Variants in OR2A2 observed in about 807,000 individuals in gnomAD.
The protein encoded by OR2A2 is olfactory receptor family 2 subfamily A member 2.
For missense variants in OR2A2, 380 were observed against 384.8 expected (o/e 0.99, Z 0.10); for synonymous variants, 163 against 154.8 (o/e 1.05, Z -0.40).
rs1409846354 is a variant in OR2A2, at chr7:144,110,189, G to A, written c.607G>A (p.Val203Met). Residue 203 changes from valine to methionine, a missense_variant, in exon 1 of 1, where the codon GTG (valine) becomes ATG (methionine). By Grantham distance (21) the Val-to-Met change is conservative. Coordinates refer to ENST00000408979, the MANE Select transcript of OR2A2 (RefSeq NM_001005480.2). ...CCAAGTGGTCATATTTGCTACCTGT[G>A]TGTTTGTCTTAGTCGGGCCTCTTTC... ...VNQVVIFATC[V>M]FVLVGPLSLI... is the part of the protein sequence containing the mutation. 1 of 1,613,994 alleles carries A rather than the reference G, an allele frequency of 6.2e-7. No individual in the cohort carries two copies. The highest frequency in any genetic ancestry group is 1.7e-5 in the Admixed American group (1 of 60,018).
Position 144,109,819 on chromosome 7 carries a change from G to A in OR2A2, c.237G>A (p.Lys79=), listed in dbSNP as rs948539474. Residue 79 remains lysine (K), a synonymous_variant, in exon 1 of 1, where the codon AAG becomes AAA. Coordinates refer to ENST00000408979, the MANE Select transcript of OR2A2 (RefSeq NM_001005480.2). ...DMSYASNNVP[K]MLANLMNQKR... is the part of the protein sequence containing the mutation. ...CCTATGCTTCCAACAATGTTCCCAAGATGTTGGCAAACCTAATGAACCAGA... is the reference window on the plus strand; with the variant it reads ...CCTATGCTTCCAACAATGTTCCCAAAATGTTGGCAAACCTAATGAACCAGA... The A allele has an allele frequency of 6.2e-7, 1 of 1,614,086 alleles. No homozygotes were observed. Among genetic ancestry groups the A allele is most frequent in the African/African-American group, 1.3e-5 (1 of 75,058 alleles).
chr7:144,110,208 C>T lies in OR2A2; in HGVS notation c.626C>T (p.Pro209Leu), dbSNP rs767801540. The change falls in exon 1 of 1, where the codon CCT becomes CTT. Residue 209 changes from proline to leucine, a missense_variant. Coordinates refer to ENST00000408979, the MANE Select transcript of OR2A2 (RefSeq NM_001005480.2). The stretch of plus-strand genomic sequence containing the variant: ...ACCTGTGTGTTTGTCTTAGTCGGGC[C>T]TCTTTCCTTGATTCTGGTCTCCTAC... The part of the protein sequence containing the change: ...FATCVFVLVG[P>L]LSLILVSYMH... 1 of 1,614,060 alleles carries T rather than the reference C, an allele frequency of 6.2e-7. No individual in the cohort carries two copies. Among genetic ancestry groups the T allele is most frequent in the Non-Finnish European group, 8.5e-7 (1 of 1,179,958 alleles).
At position 144,109,661 on chromosome 7, in the gene OR2A2, T is replaced by C. The variant is rs765463207; in HGVS notation, c.79T>C (p.Cys27Arg). ...QVGPALAILL[C>R]GLFSVFYTLT... ...TGGTCCAGCACTGGCGATTCTCCTC[T>C]GTGGACTCTTCTCTGTCTTCTATAC... The change falls in exon 1 of 1, where the codon TGT becomes CGT. Residue 27 changes from cysteine to arginine, a missense_variant. Transcript: ENST00000408979. 7.4e-6 allele frequency: 12 copies of C among 1,614,008 alleles called. No homozygotes were observed. In the South Asian group the frequency reaches 1.3e-4, roughly 18 times the overall value.
rs1387665212 is a variant in OR2A2 at position 144,109,872 on chromosome 7, TA to T, written c.292del (p.Met98CysfsTer15). The T allele has an allele frequency of 6.2e-7, 1 of 1,614,146 alleles. No homozygotes were observed. Among genetic ancestry groups the T allele is most frequent in the African/African-American group, 1.3e-5 (1 of 75,054 alleles). On this transcript the variant is annotated frameshift_variant, in exon 1 of 1. Coordinates refer to ENST00000408979, the MANE Select transcript of OR2A2 (RefSeq NM_001005480.2). LOFTEE classifies it low-confidence loss of function (END_TRUNC). ...AGAACCATCTCCTTTGTTCCATGCA[TA>T]ATGCAGACTTTTTTGTATTTGGCTT... Reference protein sequence around the residue: ...QKRTISFVPCIMQTFLYLAFA... With the variant: ...QKRTISFVPCXMQTFLYLAFA...
rs201786887 is a variant in OR2A2 at position 144,109,651 on chromosome 7, G to A, written c.69G>A (p.Ala23=). 1.3e-4 allele frequency: 203 copies of A among 1,613,764 alleles called. No individual in the cohort carries two copies. In the East Asian group the frequency reaches 2.0e-3, roughly 16 times the overall value. The part of the protein sequence containing the change: ...LLGFQVGPAL[A]ILLCGLFSVF... The stretch of plus-strand genomic sequence containing the variant: ...GATTCCAGGTTGGTCCAGCACTGGC[G>A]ATTCTCCTCTGTGGACTCTTCTCTG... The change falls in exon 1 of 1, where the codon GCG becomes GCA. Residue 23 remains alanine (A), a synonymous_variant. Coordinates refer to ENST00000408979, the MANE Select transcript of OR2A2 (RefSeq NM_001005480.2).
rs771403678 is a variant in OR2A2 at position 144,109,982 on chromosome 7, A to G, written c.400A>G (p.Ile134Val). 31 of 1,613,900 alleles carry G rather than the reference A, an allele frequency of 1.9e-5. No homozygotes were observed. Among genetic ancestry groups the G allele is most frequent in the African/African-American group, 2.7e-5 (2 of 74,930 alleles). ...CTGCCACCCTTTCCAGTACACTGTC[A>G]TCATGAGCTGGAGAGTGTGCACGAT... is the stretch of plus-strand genomic sequence containing the variant. ...AICHPFQYTV[I>V]MSWRVCTILV... The change falls in exon 1 of 1, where the codon ATC (isoleucine) becomes GTC (valine). Residue 134 changes from isoleucine to valine, a missense_variant. Ile to Val is a conservative substitution (Grantham distance 29, BLOSUM62 3). Coordinates refer to ENST00000408979, the MANE Select transcript of OR2A2 (RefSeq NM_001005480.2).
chr7:144,110,218 G>A lies in OR2A2; in HGVS notation c.636G>A (p.Leu212=), dbSNP rs756331364. The change falls in exon 1 of 1, where the codon TTG becomes TTA. Residue 212 remains leucine, a synonymous_variant. Transcript: ENST00000408979. ...CVFVLVGPLS[L]ILVSYMHILG... ...TTGTCTTAGTCGGGCCTCTTTCCTT[G>A]ATTCTGGTCTCCTACATGCACATCC... is the stretch of plus-strand genomic sequence containing the variant. 1.2e-6 allele frequency: 2 copies of A among 1,613,942 alleles called. No homozygotes were observed. Among genetic ancestry groups the A allele is most frequent in the African/African-American group, 1.3e-5 (1 of 74,900 alleles).
In OR2A2 at chr7:144,109,962, A is replaced by G. The variant is rs2051355518; in HGVS notation, c.380A>G (p.His127Arg). The change falls in exon 1 of 1, where the codon CAC (histidine) becomes CGC (arginine). Residue 127 changes from histidine to arginine, a missense_variant. His to Arg is a conservative substitution (Grantham distance 29). Coordinates refer to ENST00000408979, the MANE Select transcript of OR2A2 (RefSeq NM_001005480.2). Reference sequence around the variant, plus strand: ...TATGATAGGTATGTGGCCATCTGCCACCCTTTCCAGTACACTGTCATCATG... The same window carrying G: ...TATGATAGGTATGTGGCCATCTGCCGCCCTTTCCAGTACACTGTCATCATG... Reference protein sequence around the residue: ...MSYDRYVAICHPFQYTVIMSW... With the variant: ...MSYDRYVAICRPFQYTVIMSW... The G allele has an allele frequency of 2.5e-6, 4 of 1,613,890 alleles. No homozygotes were observed. In the South Asian group the frequency reaches 4.4e-5, roughly 18 times the overall value.
chr7:144,109,939 T>C lies in OR2A2; in HGVS notation c.357T>C (p.Tyr119=). The change falls in exon 1 of 1, where the codon TAT becomes TAC. Residue 119 remains tyrosine, a synonymous_variant. Transcript: ENST00000408979. ...GCCTGATTTTGGTGGTGATGTCCTATGATAGGTATGTGGCCATCTGCCACC... is the reference window on the plus strand; with the variant it reads ...GCCTGATTTTGGTGGTGATGTCCTACGATAGGTATGTGGCCATCTGCCACC... ...TECLILVVMS[Y]DRYVAICHPF... 1.9e-6 allele frequency: 3 copies of C among 1,613,920 alleles called. No homozygotes were observed. Among genetic ancestry groups the C allele is most frequent in the Non-Finnish European group, 2.5e-6 (3 of 1,179,798 alleles).
rs1460519551 is a variant in OR2A2 at position 144,110,084 on chromosome 7, T to C, written c.502T>C (p.Cys168Arg). 2 of 1,614,032 alleles carry C rather than the reference T, an allele frequency of 1.2e-6. No individual in the cohort carries two copies. The highest frequency in any genetic ancestry group is 2.2e-5 in the South Asian group (2 of 91,084). The change falls in exon 1 of 1, where the codon TGT (cysteine) becomes CGT (arginine). Residue 168 changes from cysteine to arginine, a missense_variant. Physicochemically the swap from Cys to Arg is radical, Grantham distance 180. Coordinates refer to ENST00000408979, the MANE Select transcript of OR2A2 (RefSeq NM_001005480.2). ...AATTCTCCTTCTAAGGTTGCCCTTC[T>C]GTGGGCCCCGGGATGTGAACCACCT... ...HEILLLRLPF[C>R]GPRDVNHLFC...
Position 144,110,006 on chromosome 7 carries a change from A to T in OR2A2, c.424A>T (p.Ile142Phe). 6.2e-7 allele frequency: 1 copy of T among 1,613,926 alleles called. No individual in the cohort carries two copies. The highest frequency in any genetic ancestry group is 1.3e-5 in the African/African-American group (1 of 74,988). ...CATCATGAGCTGGAGAGTGTGCACG[A>T]TCCTGGTTCTCACGTCCTGGTCATG... ...TVIMSWRVCT[I>F]LVLTSWSCGF... The change falls in exon 1 of 1, where the codon ATC becomes TTC. Residue 142 changes from isoleucine (I) to phenylalanine (F), a missense_variant. Physicochemically the swap from Ile to Phe is conservative, Grantham distance 21 (BLOSUM62 0). Transcript: ENST00000408979.
chr7:144,110,359 G>A lies in OR2A2; in HGVS notation c.777G>A (p.Met259Ile), dbSNP rs1182900404. 5 of 1,613,932 alleles carry A rather than the reference G, an allele frequency of 3.1e-6. No homozygotes were observed. The highest frequency in any genetic ancestry group is 2.2e-5 in the East Asian group (1 of 44,886). ...LFFGIAMVVY[M>I]VPDSNQREEQ... ...TTGGCATAGCCATGGTGGTTTACAT[G>A]GTCCCAGACTCTAATCAACGAGAGG... The change falls in exon 1 of 1, where the codon ATG (methionine) becomes ATA (isoleucine). Residue 259 changes from methionine to isoleucine, a missense_variant. Transcript: ENST00000408979.
At position 144,109,995 on chromosome 7, in the gene OR2A2, G is replaced by C. The variant is rs546846509; in HGVS notation, c.413G>C (p.Arg138Thr). Residue 138 changes from arginine (R) to threonine (T), a missense_variant, in exon 1 of 1, where the codon AGA becomes ACA. Coordinates refer to ENST00000408979, the MANE Select transcript of OR2A2 (RefSeq NM_001005480.2). Reference sequence around the variant, plus strand: ...CAGTACACTGTCATCATGAGCTGGAGAGTGTGCACGATCCTGGTTCTCACG... The same window carrying C: ...CAGTACACTGTCATCATGAGCTGGACAGTGTGCACGATCCTGGTTCTCACG... The part of the protein sequence containing the change: ...PFQYTVIMSW[R>T]VCTILVLTSW... The C allele has an allele frequency of 5.0e-6, 8 of 1,613,994 alleles. No individual in the cohort carries two copies. Among genetic ancestry groups the C allele is most frequent in the Non-Finnish European group, 6.8e-6 (8 of 1,179,920 alleles).
In OR2A2 at chr7:144,110,420, T is replaced by C. The variant is rs935520004; in HGVS notation, c.838T>C (p.Phe280Leu). The change falls in exon 1 of 1, where the codon TTT (phenylalanine) becomes CTT (leucine). Residue 280 changes from phenylalanine (F) to leucine (L), a missense_variant. Transcript: ENST00000408979. ...AATGCTGTCCCTGTTTCACAGTGTCTTTAATCCAATGCTGAACCCCCTGAT... is the reference window on the plus strand; with the variant it reads ...AATGCTGTCCCTGTTTCACAGTGTCCTTAATCCAATGCTGAACCCCCTGAT... ...EKMLSLFHSV[F>L]NPMLNPLIYS... 1 of 1,614,016 alleles carries C rather than the reference T, an allele frequency of 6.2e-7. No individual in the cohort carries two copies. Among genetic ancestry groups the C allele is most frequent in the African/African-American group, 1.3e-5 (1 of 75,046 alleles).
rs61735905 is a variant in OR2A2, at chr7:144,110,019, C to G, written c.437C>G (p.Thr146Arg). Residue 146 changes from threonine (T) to arginine (R), a missense_variant, in exon 1 of 1, where the codon ACG becomes AGG. Thr to Arg is a moderately conservative substitution (Grantham distance 71). Transcript: ENST00000408979. ...SWRVCTILVL[T>R]SWSCGFALSL... ...AGAGTGTGCACGATCCTGGTTCTCA[C>G]GTCCTGGTCATGTGGGTTTGCCCTG... 3.5e-3 allele frequency: 5,713 copies of G among 1,613,988 alleles called. 191 individuals are homozygous for G. In the African/African-American group the frequency reaches 0.067, roughly 19 times the overall value.
rs557881195 is a variant in OR2A2 at position 144,110,462 on chromosome 7, G to A, written c.880G>A (p.Ala294Thr). 2.5e-6 allele frequency: 4 copies of A among 1,613,946 alleles called. No individual in the cohort carries two copies. The highest frequency in any genetic ancestry group is 3.4e-6 in the Non-Finnish European group (4 of 1,179,930). ...CCCCCTGATCTACAGCCTGAGGAATGCTCAGTTGAAGGGCGCCCTCCACAG... is the reference window on the plus strand; with the variant it reads ...CCCCCTGATCTACAGCCTGAGGAATACTCAGTTGAAGGGCGCCCTCCACAG... ...LNPLIYSLRN[A>T]QLKGALHRAL... The change falls in exon 1 of 1, where the codon GCT becomes ACT. Residue 294 changes from alanine to threonine, a missense_variant. Physicochemically the swap from Ala to Thr is moderately conservative, Grantham distance 58. Coordinates refer to ENST00000408979, the MANE Select transcript of OR2A2 (RefSeq NM_001005480.2).
chr7:144,110,533 C>A lies in OR2A2; in HGVS notation c.951C>A (p.Cys317Ter). 1 of 1,552,628 alleles carries A rather than the reference C, an allele frequency of 6.4e-7. No individual in the cohort carries two copies. The highest frequency in any genetic ancestry group is 8.8e-7 in the Non-Finnish European group (1 of 1,142,578). ...CCATGAGAACGGTGTATGGGCTTTGCCTTTAAAACATGTGGTTTGCTGAAG... is the reference window on the plus strand; with the variant it reads ...CCATGAGAACGGTGTATGGGCTTTGACTTTAAAACATGTGGTTTGCTGAAG... ...KRSMRTVYGL[C>*]L Residue 317 changes from cysteine (C) to a stop codon, truncating the protein, a stop_gained, in exon 1 of 1, where the codon TGC (cysteine) becomes TGA (stop). Transcript: ENST00000408979. LOFTEE classifies it high-confidence loss of function.
Position 144,109,890 on chromosome 7 carries a change from A to G in OR2A2, c.308A>G (p.Tyr103Cys), listed in dbSNP as rs200096149. Residue 103 changes from tyrosine to cysteine, a missense_variant, in exon 1 of 1, where the codon TAT (tyrosine) becomes TGT (cysteine). Coordinates refer to ENST00000408979, the MANE Select transcript of OR2A2 (RefSeq NM_001005480.2). ...FVPCIMQTFL[Y>C]LAFAVTECLI... ...CCATGCATAATGCAGACTTTTTTGTATTTGGCTTTTGCTGTTACAGAGTGC... is the reference window on the plus strand; with the variant it reads ...CCATGCATAATGCAGACTTTTTTGTGTTTGGCTTTTGCTGTTACAGAGTGC... The G allele has an allele frequency of 8.1e-6, 13 of 1,614,046 alleles. No homozygotes were observed. The African/African-American group carries it at 1.6e-4, about 20-fold the overall frequency.
In OR2A2 at chr7:144,109,830, AC is replaced by A. The variant is rs1450025795; in HGVS notation, c.250del (p.Leu84Ter). 2 of 1,614,016 alleles carry A rather than the reference AC, an allele frequency of 1.2e-6. No individual in the cohort carries two copies. The highest frequency in any genetic ancestry group is 1.3e-5 in the African/African-American group (1 of 74,910). The stretch of plus-strand genomic sequence containing the variant: ...AACAATGTTCCCAAGATGTTGGCAA[AC>A]CTAATGAACCAGAAAAGAACCATCT... Reference protein sequence around the residue: ...ASNNVPKMLANLMNQKRTISF... With the variant: ...ASNNVPKMLAXLMNQKRTISF... On this transcript the variant is annotated frameshift_variant, in exon 1 of 1. Transcript: ENST00000408979. LOFTEE classifies it low-confidence loss of function (END_TRUNC).
Sources: allele counts gnomAD v4.1 joint callset, GRCh38; gene constraint gnomAD v4.1.1; transcripts MANE v1.5; gene names NCBI Gene and HGNC (gene_info 2026-07-23, HGNC 2026-07-21).